MBTPS1: variants seen among roughly 807,000 people sequenced by gnomAD.
The protein encoded by MBTPS1 is membrane-bound transcription factor site-1 protease.
Under a neutral mutation model 127.8 loss-of-function variants are expected in MBTPS1, and 94 were observed. The observed-to-expected ratio is 0.74, with a 90% CI of 0.62 to 0.87. The LOEUF (loss-of-function observed/expected upper bound fraction) is 0.87, where lower values mean the gene tolerates loss of function less well. Ranked by LOEUF, MBTPS1 falls within the 40% of genes least tolerant of loss-of-function variation. MBTPS1 has a pLI of 0.00. For synonymous variants in MBTPS1, 632 were observed against 509.4 expected, an observed-to-expected ratio of 1.24 and a Z score of -3.24; for missense variants, 1,636 against 1,353.2, an observed-to-expected ratio of 1.21 and a Z score of -3.28.
At position 84,082,053 on chromosome 16, in the gene MBTPS1, G is replaced by A. The variant is rs918798812; in HGVS notation, c.1287-145C>T. 8.2e-6 allele frequency: 4 copies of A among 487,736 alleles called. No individual in the cohort carries two copies. The Admixed American group carries it at 1.3e-4, about 16-fold the overall frequency. 30.2% of individuals were successfully genotyped at this position (487,736 alleles called of 1,614,324 possible). ...GGTGCTTGTCTGGCACAGCCTGCAT[G>A]AGAGAATGAGTGCACACTCATCTCT... is the stretch of plus-strand genomic sequence containing the variant. On this transcript the variant is annotated intron_variant, in intron 10 of 22. Transcript: ENST00000343411.
chr16:84,063,481 G>A, intron 18 of MBTPS1, 36 bp from the exon 19 acceptor site: 1 of 1,602,862 alleles, frequency 6.2e-7, no homozygotes, highest in Non-Finnish European at 8.5e-7. Flanking sequence ...AGCCATGAGA[G>A]TTTCCACTGA....
chr16:84,087,350 G>A lies in MBTPS1; in HGVS notation c.1134+8C>T. ...CTAAATACAATTATTTAGCAAAGAA[G>A]AGCGTACCCAGGTAGTCATTCCCCT... On this transcript the variant is annotated splice_region_variant and intron_variant, in intron 9 of 22. Transcript: ENST00000343411. 2 of 1,604,294 alleles carry A rather than the reference G, an allele frequency of 1.2e-6. No homozygotes were observed. The highest frequency in any genetic ancestry group is 1.7e-6 in the Non-Finnish European group (2 of 1,171,354).
chr16:84,066,073 C>G (rs1251757318), intron 17 of MBTPS1, among the ~76,000 whole-genome samples: 1 of 152,208 alleles, frequency 6.6e-6, no homozygotes, highest in Non-Finnish European at 1.5e-5. Context: ...TCAAAACAAG[C>G]TGTCCAGACC....
intron 10 of MBTPS1, among the ~76,000 whole-genome samples, chr16:84,083,458 C>T (rs1226672693): frequency 6.8e-6 from 1 of 147,020 alleles, no homozygotes; most frequent in Non-Finnish European, 1.5e-5. Context: ...ATATCTACCC[C>T]TTTTTTTTTT....
Position 84,074,602 on chromosome 16 carries a change from C to G in MBTPS1, c.1588G>C (p.Asp530His), listed in dbSNP as rs1057456308. Residue 530 changes from aspartate (D) to histidine (H), a missense_variant, in exon 12 of 23, where the codon GAT (aspartate) becomes CAT (histidine). By Grantham distance (81) the Asp-to-His change is moderately conservative. Transcript: ENST00000343411. ...AAGTCAGAGAGAAGTTTCACCTTAT[C>G]TACAATTCTTCCTGTGACTCCCATG... ...NGMGVTGRIV[D>H]KPDWQPYLPQ... 8 of 1,613,752 alleles carry G rather than the reference C, an allele frequency of 5.0e-6. No homozygotes were observed. Among genetic ancestry groups the G allele is most frequent in the Non-Finnish European group, 6.8e-6 (8 of 1,179,770 alleles).
At chr16:84,079,861 G>A (rs570449685) in intron 11 of MBTPS1, among the ~76,000 whole-genome samples, 2 of 152,360 alleles carry the variant, frequency 1.3e-5, no homozygotes, top group South Asian at 4.1e-4. Flanking sequence ...GTCTGTGCAC[G>A]TGTCCACACG....
chr16:84,060,380 G>A (rs1290870487), intron 20 of MBTPS1: 2 of 265,364 alleles, frequency 7.5e-6, no homozygotes, highest in Non-Finnish European at 1.5e-5. Context: ...AGATCTGTAG[G>A]AGCCACTGTC....
At chr16:84,076,121 T>A (rs957562970) in intron 11 of MBTPS1, among the ~76,000 whole-genome samples, 2 of 152,192 alleles carry the variant, frequency 1.3e-5, no homozygotes, top group African/African-American at 4.8e-5. Context: ...ATTGGTTCAA[T>A]ATTGGGAAAC....
At chr16:84,065,995 T>C (rs547736980) in intron 17 of MBTPS1, among the ~76,000 whole-genome samples, 4 of 152,318 alleles carry the variant, frequency 2.6e-5, no homozygotes, top group African/African-American at 9.6e-5. Flanking sequence ...ATACATTTTA[T>C]AATCAAAGAA....
intron 19 of MBTPS1, 82 bp from the exon 20 acceptor site, chr16:84,060,895 G>A (rs929944812): frequency 2.6e-5 from 35 of 1,341,022 alleles, no homozygotes; most frequent in African/African-American, 1.2e-4. Context: ...GTGCAGTGGC[G>A]CAATCATAGC....
intron 1 of MBTPS1, among the ~76,000 whole-genome samples, chr16:84,104,409 G>C (rs1364561657): frequency 6.6e-6 from 1 of 152,098 alleles, no homozygotes; most frequent in Admixed American, 6.5e-5. Context: ...GTTGCAGTGG[G>C]CCAAGAGTGC....
intron 17 of MBTPS1, among the ~76,000 whole-genome samples, chr16:84,065,988 C>T (rs1006867970): frequency 2.6e-5 from 4 of 152,104 alleles, no homozygotes; most frequent in African/African-American, 9.7e-5. Context: ...TTTCTGAATA[C>T]ATTTTATAAT....
intron 11 of MBTPS1, among the ~76,000 whole-genome samples, chr16:84,077,088 T>C (rs10871280): frequency 0.28 from 42,707 of 151,610 alleles, 6,298 homozygotes; most frequent in East Asian, 0.43. Context: ...TAGCGGGGCA[T>C]GGGGGTATGT....
At chr16:84,069,804 C>G (rs985362938) in intron 14 of MBTPS1, 62 bp downstream of exon 14, 6 of 1,432,354 alleles carry the variant, frequency 4.2e-6, no homozygotes, top group South Asian at 1.3e-5. Flanking sequence ...GTTGCGGGAA[C>G]AGTGGTGCCT....
intron 1 of MBTPS1, among the ~76,000 whole-genome samples, chr16:84,115,235 T>C (rs1457600840): frequency 6.6e-6 from 1 of 152,220 alleles, no homozygotes; most frequent in Non-Finnish European, 1.5e-5. Context: ...CCAGCCTTCC[T>C]AGTTCTTGTT....
chr16:84,084,278 G>C (rs1033127121), intron 10 of MBTPS1, among the ~76,000 whole-genome samples: 12 of 152,152 alleles, frequency 7.9e-5, no homozygotes, highest in African/African-American at 2.7e-4. Flanking sequence ...CTTTCTTCCA[G>C]TTTCATTATC....
At chr16:84,087,869 T>C (rs187766178) in intron 8 of MBTPS1, among the ~76,000 whole-genome samples, 2 of 152,144 alleles carry the variant, frequency 1.3e-5, no homozygotes, top group Non-Finnish European at 2.9e-5. Flanking sequence ...AGCACATTCA[T>C]CTTAACTCCC....
intron 17 of MBTPS1, 33 bp downstream of exon 17, chr16:84,066,456 C>T: frequency 2.5e-6 from 4 of 1,609,900 alleles, no homozygotes; most frequent in East Asian, 2.2e-5. Flanking sequence ...GCTCTCACAC[C>T]TAAGACCACG....
Position 84,081,907 on chromosome 16 carries a change from T to G in MBTPS1, c.1288A>C (p.Thr430Pro), listed in dbSNP as rs1030863572. Residue 430 changes from threonine to proline, a missense_variant and splice_region_variant, in exon 11 of 23, where the codon ACA (threonine) becomes CCA (proline). Physicochemically the swap from Thr to Pro is conservative, Grantham distance 38. Coordinates refer to ENST00000343411, the MANE Select transcript of MBTPS1 (RefSeq NM_003791.4). ...VAGAVTLLVS[T>P]VQKRELVNPA... ...TTCACCAGCTCACGCTTCTGGACTG[T>G]GCTGGAGGAAAAATCAAGAATTGCC... The G allele has an allele frequency of 7.2e-7, 1 of 1,390,760 alleles. No homozygotes were observed. 86.2% of individuals were successfully genotyped at this position (1,390,760 alleles called of 1,614,324 possible). A position where few individuals can be genotyped will look rare whatever the true frequency, so the allele number is the denominator to read the frequency against.
Sources: gnomAD v4.1 joint callset for allele counts (sites outside exome capture counted in the v4.1 genomes callset) on GRCh38, gnomAD v4.1.1 for gene constraint, MANE v1.5 for transcripts, NCBI Gene and HGNC (gene_info 2026-07-23, HGNC 2026-07-21) for gene names.